ADCY2: variants seen among roughly 807,000 people sequenced by gnomAD.
ADCY2 encodes adenylate cyclase type 2.
Under a neutral mutation model 125.2 loss-of-function variants are expected in ADCY2, and 31 were observed. The observed-to-expected ratio is 0.25, with a 90% CI of 0.19 to 0.33. The LOEUF is 0.33. ADCY2 is among the 10% of genes least tolerant of loss of function. The pLI, the probability that ADCY2 is intolerant of heterozygous loss-of-function variation, is 1.00. For missense variants in ADCY2, 904 were observed against 1,418.2 expected (o/e 0.64, Z 5.82); for synonymous variants, 512 against 548.4 (o/e 0.93, Z 0.93).
Position 7,501,537 on chromosome 5 carries a change from T to C in ADCY2, c.409-19201T>C, listed in dbSNP as rs1743570841. On this transcript the variant is annotated intron_variant, in intron 2 of 24. Coordinates refer to ENST00000338316, the MANE Select transcript of ADCY2 (RefSeq NM_020546.3). ...TTTAGTTTTGATATAGAATAAAAAA[T>C]CAGAAATAATTTTTAGGAAACTCAG... Among the ~76,000 whole-genome samples, 6 of 146,670 alleles carry C rather than the reference T, an allele frequency of 4.1e-5. No homozygotes were observed. The Middle Eastern group carries it at 0.015, about 368-fold the overall frequency.
chr5:7,643,568 T>C (rs1203753386), intron 4 of ADCY2, among the ~76,000 whole-genome samples: 2 of 151,410 alleles, frequency 1.3e-5, no homozygotes, highest in African/African-American at 2.4e-5. Context: ...CTTTTTTTTT[T>C]CCACAATAAA....
At chr5:7,686,415 A>T (rs749523429) in intron 4 of ADCY2, among the ~76,000 whole-genome samples, 7 of 152,238 alleles carry the variant, frequency 4.6e-5, no homozygotes, top group Non-Finnish European at 8.8e-5. Flanking sequence ...TGTATTGCTA[A>T]TGAATAATAA....
chr5:7,411,636 C>T (rs1739720830), intron 1 of ADCY2, among the ~76,000 whole-genome samples: 1 of 152,108 alleles, frequency 6.6e-6, no homozygotes, highest in Admixed American at 6.5e-5. Flanking sequence ...CCTGACAAAT[C>T]ACATCTCGGG....
At chr5:7,468,582 C>T (rs1400481431) in intron 2 of ADCY2, among the ~76,000 whole-genome samples, 1 of 152,040 alleles carries the variant, frequency 6.6e-6, no homozygotes, top group Non-Finnish European at 1.5e-5. Context: ...TACTATGTCA[C>T]CAATCACAAA....
At chr5:7,557,150 A>ATATATATATATATATATATATATATATAT (rs56195617) in intron 3 of ADCY2, among the ~76,000 whole-genome samples, 1 of 107,576 alleles carries the variant, frequency 9.3e-6, no homozygotes, top group African/African-American at 3.6e-5. Flanking sequence ...TATATATATA[A>ATATATATATATATATATATATATATATAT]ACTTTATAGA....
chr5:7,701,287 T>C (rs1256551578), intron 7 of ADCY2, among the ~76,000 whole-genome samples: 1 of 152,174 alleles, frequency 6.6e-6, no homozygotes, highest in Non-Finnish European at 1.5e-5. Context: ...AATCCACCCA[T>C]TTACTAAAGC....
chr5:7,544,849 G>T (rs1735101850), intron 3 of ADCY2, among the ~76,000 whole-genome samples: 1 of 152,160 alleles, frequency 6.6e-6, no homozygotes, highest in Non-Finnish European at 1.5e-5. Context: ...AATAAAAAAG[G>T]AATGAAACCC....
chr5:7,599,283 G>C (rs1561118488), intron 3 of ADCY2, among the ~76,000 whole-genome samples: 1 of 152,202 alleles, frequency 6.6e-6, no homozygotes, highest in African/African-American at 2.4e-5. Context: ...TTGAGAAATA[G>C]AGTAGGAGAA....
chr5:7,792,939 G>A (rs761852966), intron 20 of ADCY2, among the ~76,000 whole-genome samples: 9 of 152,322 alleles, frequency 5.9e-5, no homozygotes, highest in East Asian at 3.9e-4. Context: ...TCACAGAGGC[G>A]TGCACGGGAC....
At chr5:7,724,196 A>C (rs998320453) in intron 12 of ADCY2, among the ~76,000 whole-genome samples, 2 of 151,366 alleles carry the variant, frequency 1.3e-5, no homozygotes, top group African/African-American at 4.9e-5. Context: ...GATTTCGGAA[A>C]AACATTAAGG....
chr5:7,560,581 T>C (rs941793298), intron 3 of ADCY2, among the ~76,000 whole-genome samples: 2 of 152,150 alleles, frequency 1.3e-5, no homozygotes, highest in Non-Finnish European at 2.9e-5. Flanking sequence ...TTGAGCTTTA[T>C]TTTTTTGAAA....
At chr5:7,518,137 C>A (rs1370647509) in intron 2 of ADCY2, among the ~76,000 whole-genome samples, 1 of 152,184 alleles carries the variant, frequency 6.6e-6, no homozygotes, top group Non-Finnish European at 1.5e-5. Context: ...CCTAAAGAAA[C>A]CTTTCTGATA....
intron 3 of ADCY2, among the ~76,000 whole-genome samples, chr5:7,583,713 T>C (rs1261029663): frequency 6.6e-6 from 1 of 152,090 alleles, no homozygotes; most frequent in East Asian, 1.9e-4. Context: ...TCTTTCAAAA[T>C]GAATCACACC....
intron 2 of ADCY2, among the ~76,000 whole-genome samples, chr5:7,508,737 C>A (rs1479268093): frequency 6.6e-6 from 1 of 152,196 alleles, no homozygotes; most frequent in African/African-American, 2.4e-5. Context: ...GAACTGTGGT[C>A]TGATCAGGCA....
intron 3 of ADCY2, among the ~76,000 whole-genome samples, chr5:7,621,144 C>T (rs1407241654): frequency 1.3e-5 from 2 of 152,142 alleles, no homozygotes; most frequent in South Asian, 2.1e-4. Context: ...TGACCTGATA[C>T]CCTTAAATGT....
chr5:7,609,642 A>G (rs879545038), intron 3 of ADCY2, among the ~76,000 whole-genome samples: 6 of 152,238 alleles, frequency 3.9e-5, no homozygotes, highest in Non-Finnish European at 7.3e-5. Context: ...CAAGGAACAT[A>G]GAGCAGAACA....
intron 20 of ADCY2, chr5:7,800,920 TGCACAAGAAACCA>T (rs1238684361): frequency 3.9e-5 from 6 of 152,194 alleles, no homozygotes; most frequent in Non-Finnish European, 7.3e-5. Context: ...AACACAATTC[TGCACAAGAAACCA>T]GCACAATCAT....
chr5:7,694,043 T>C (rs557834485), intron 5 of ADCY2, among the ~76,000 whole-genome samples: 1 of 152,318 alleles, frequency 6.6e-6, no homozygotes, highest in African/African-American at 2.4e-5. Context: ...TAGGGGATCA[T>C]CTGAACAGAG....
chr5:7,396,217 G>T lies in ADCY2; in HGVS notation c.-80G>T. On this transcript the variant is annotated 5_prime_UTR_variant, in exon 1 of 25. Coordinates refer to ENST00000338316, the MANE Select transcript of ADCY2 (RefSeq NM_020546.3). The surrounding 1 kb of genome is among the most constrained non-coding windows in gnomAD (Gnocchi z 5.7). ...GCAGCCGGGCCGGCCGAGGCGGCGC[G>T]GGGGTGGGACGCGGGCGGCCGCGGC... 3.7e-6 allele frequency: 3 copies of T among 817,322 alleles called. No individual in the cohort carries two copies. Among genetic ancestry groups the T allele is most frequent in the Non-Finnish European group, 4.4e-6 (3 of 680,360 alleles). The allele number at this position is 817,322 out of a possible 1,614,324, so 50.6% of individuals were successfully genotyped here.
Sources: allele counts gnomAD v4.1 joint callset (sites outside exome capture counted in the v4.1 genomes callset), GRCh38; gene constraint gnomAD v4.1.1; non-coding constraint Gnocchi (gnomAD v3.1); transcripts MANE v1.5; gene names NCBI Gene and HGNC (gene_info 2026-07-23, HGNC 2026-07-21).